CDKAL1: variants seen among roughly 807,000 people sequenced by gnomAD.
The protein encoded by CDKAL1 is CDKAL1 threonylcarbamoyladenosine tRNA methylthiotransferase, also known as threonylcarbamoyladenosine tRNA methylthiotransferase.
Under a neutral mutation model 68.2 loss-of-function variants are expected in CDKAL1, and 32 were observed. The ratio of observed to expected loss-of-function variants is 0.47; its 90% CI spans 0.35 to 0.63. The LOEUF is 0.63. Among genes scored for constraint, CDKAL1 ranks in the 30% least tolerant of loss-of-function variants. CDKAL1 has a pLI of 0.00. For synonymous variants in CDKAL1, 234 were observed against 244.3 expected (o/e 0.96, Z 0.39); for missense variants, 606 against 696.7 (o/e 0.87, Z 1.47).
At chr6:20,872,423 A>G (rs1760271057) in intron 9 of CDKAL1, among the ~76,000 whole-genome samples, 3 of 152,324 alleles carry the variant, frequency 2.0e-5, no homozygotes, top group Middle Eastern at 3.4e-3. Context: ...GGCTTTCAAG[A>G]TGGTACAGGA....
At chr6:20,979,629 AAGAGTCT>A (rs1259591444) in intron 10 of CDKAL1, among the ~76,000 whole-genome samples, 1 of 152,048 alleles carries the variant, frequency 6.6e-6, no homozygotes, top group Non-Finnish European at 1.5e-5. Flanking sequence ...TAGGAATGGA[AAGAGTCT>A]AAGTCTGGGA....
intron 10 of CDKAL1, among the ~76,000 whole-genome samples, chr6:20,958,553 TACTTG>T (rs1171110017): frequency 6.6e-6 from 1 of 152,130 alleles, no homozygotes; most frequent in Non-Finnish European, 1.5e-5. Context: ...CTACAGAAAT[TACTTG>T]ACTTATCTCA....
chr6:20,731,705 A>G (rs774680176), intron 5 of CDKAL1, among the ~76,000 whole-genome samples: 4 of 152,218 alleles, frequency 2.6e-5, no homozygotes, highest in Non-Finnish European at 4.4e-5. Flanking sequence ...TGTCATAGAG[A>G]CAAGCTGTCT....
chr6:20,593,620 A>C (rs1171726764), intron 4 of CDKAL1, among the ~76,000 whole-genome samples: 3 of 59,422 alleles, frequency 5.0e-5, no homozygotes, highest in Non-Finnish European at 1.1e-4. Context: ...AAAAAAAAAG[A>C]AACCCAGCTC....
intron 4 of CDKAL1, among the ~76,000 whole-genome samples, chr6:20,585,834 C>G (rs1415294117): frequency 1.3e-5 from 2 of 151,894 alleles, no homozygotes; most frequent in Admixed American, 1.3e-4. Context: ...AGTCCCATAG[C>G]TTTTAGGTAC....
chr6:20,962,911 A>C (rs1357134420), intron 10 of CDKAL1, among the ~76,000 whole-genome samples: 1 of 152,212 alleles, frequency 6.6e-6, no homozygotes, highest in South Asian at 2.1e-4. Context: ...TATAATCATC[A>C]GTGCTCTATT....
chr6:21,127,474 GCA>G (rs769819263), intron 13 of CDKAL1, among the ~76,000 whole-genome samples: 1 of 152,164 alleles, frequency 6.6e-6, no homozygotes, highest in South Asian at 2.1e-4. Flanking sequence ...AAAAGGCCAG[GCA>G]CAGTGTCTCA....
intron 8 of CDKAL1, among the ~76,000 whole-genome samples, chr6:20,786,417 A>G (rs778301077): frequency 1.1e-4 from 17 of 151,964 alleles, no homozygotes; most frequent in Non-Finnish European, 2.5e-4. Flanking sequence ...ATGTGCATGA[A>G]TGGAAGAAAT....
chr6:21,071,857 G>C (rs1190659183), intron 12 of CDKAL1, among the ~76,000 whole-genome samples: 1 of 152,086 alleles, frequency 6.6e-6, no homozygotes, highest in East Asian at 1.9e-4. Flanking sequence ...CCTTACTTTT[G>C]AATGCAGCCA....
chr6:20,848,468 C>T (rs769475601), intron 9 of CDKAL1, among the ~76,000 whole-genome samples: 1 of 152,032 alleles, frequency 6.6e-6, no homozygotes, highest in African/African-American at 2.4e-5. Context: ...CAATTTACAG[C>T]GTATTGCTTC....
chr6:21,003,390 A>ACACACACACACAC, intron 11 of CDKAL1, among the ~76,000 whole-genome samples: 1 of 130,154 alleles, frequency 7.7e-6, no homozygotes, highest in African/African-American at 3.0e-5. Context: ...ACACACACAC[A>ACACACACACACAC]TATATACACA....
At chr6:20,969,883 T>C (rs1191585893) in intron 10 of CDKAL1, among the ~76,000 whole-genome samples, 1 of 152,050 alleles carries the variant, frequency 6.6e-6, no homozygotes, top group Non-Finnish European at 1.5e-5. Context: ...CCTTCTATAT[T>C]CTAGGAAATA....
chr6:20,898,563 A>G (rs918354230), intron 9 of CDKAL1, among the ~76,000 whole-genome samples: 4 of 151,600 alleles, frequency 2.6e-5, no homozygotes, highest in African/African-American at 9.7e-5. Flanking sequence ...ACTCTTGACT[A>G]TTGATGGTAA....
chr6:20,968,093 A>G (rs937642996), intron 10 of CDKAL1, among the ~76,000 whole-genome samples: 2 of 103,142 alleles, frequency 1.9e-5, no homozygotes, highest in African/African-American at 7.6e-5. Flanking sequence ...CTTTGAGTCT[A>G]TCCTACTTGA....
At chr6:20,747,091 A>T (rs1164956078) in intron 6 of CDKAL1, among the ~76,000 whole-genome samples, 1 of 150,984 alleles carries the variant, frequency 6.6e-6, no homozygotes, top group Non-Finnish European at 1.5e-5. Flanking sequence ...GAAATCATGC[A>T]TTTTTTTTTC....
At chr6:21,069,049 A>G (rs1269616445) in intron 12 of CDKAL1, among the ~76,000 whole-genome samples, 3 of 152,192 alleles carry the variant, frequency 2.0e-5, no homozygotes, top group Non-Finnish European at 2.9e-5. Flanking sequence ...TTCACTTATT[A>G]ATTCTAATAG....
At chr6:21,188,538 G>A (rs1327298635) in intron 13 of CDKAL1, among the ~76,000 whole-genome samples, 2 of 152,084 alleles carry the variant, frequency 1.3e-5, no homozygotes, top group Admixed American at 6.5e-5. Flanking sequence ...TTAGGTTTGC[G>A]CTTTTCATAA....
intron 9 of CDKAL1, among the ~76,000 whole-genome samples, chr6:20,897,170 A>G (rs1761736122): frequency 6.6e-6 from 1 of 152,134 alleles, no homozygotes; most frequent in Admixed American, 6.5e-5. Flanking sequence ...CTTCTTTTAT[A>G]AGGACACTAG....
At chr6:20,535,060 C>T (rs536747510) in intron 1 of CDKAL1, 1 of 152,130 alleles carries the variant, frequency 6.6e-6, no homozygotes, top group Admixed American at 6.6e-5. Flanking sequence ...TGTCTATCTA[C>T]CTTATTGACT....
Sources: gnomAD v4.1 joint callset for allele counts (sites outside exome capture counted in the v4.1 genomes callset) on GRCh38, gnomAD v4.1.1 for gene constraint, MANE v1.5 for transcripts, NCBI Gene and HGNC (gene_info 2026-07-23, HGNC 2026-07-21) for gene names.